The following MAPK10 variants were observed in gnomAD, a reference collection of about 807,000 sequenced individuals.
The protein encoded by MAPK10 is mitogen-activated protein kinase 10.
In MAPK10, 25 loss-of-function variants were observed where a neutral mutation model predicts 59.3. That is an observed-to-expected ratio of 0.42 (90% CI 0.31 to 0.59). MAPK10 has a LOEUF of 0.59. Among genes scored for constraint, MAPK10 ranks in the 20% least tolerant of loss-of-function variants. The pLI is 0.15. For synonymous variants in MAPK10, 190 were observed against 200.5 expected (o/e 0.95, Z 0.44); for missense variants, 351 against 568.9 (o/e 0.62, Z 3.90).
chr4:86,590,715 G>A (rs1442149417), intron 1 of MAPK10, among the ~76,000 whole-genome samples: 2 of 152,084 alleles, frequency 1.3e-5, no homozygotes, highest in Non-Finnish European at 2.9e-5. Context: ...GAGCATAGGA[G>A]GTTGAGGCTG....
chr4:86,289,847 A>G (rs1361768487), intron 2 of MAPK10, among the ~76,000 whole-genome samples: 1 of 152,100 alleles, frequency 6.6e-6, no homozygotes, highest in African/African-American at 2.4e-5. Context: ...GTTCTGTGGG[A>G]TGGAAGAGCA....
chr4:86,495,904 T>C (rs1273566242), intron 1 of MAPK10, among the ~76,000 whole-genome samples: 2 of 152,218 alleles, frequency 1.3e-5, no homozygotes, highest in Non-Finnish European at 2.9e-5. Context: ...TTTTTGCATA[T>C]ATTAATTTTT....
chr4:86,135,205 G>A (rs1479236349), intron 4 of MAPK10, among the ~76,000 whole-genome samples: 1 of 152,240 alleles, frequency 6.6e-6, no homozygotes, highest in Admixed American at 6.5e-5. Context: ...AGGCCTGCCT[G>A]CCTCTGGAGG....
rs2038985204 is a variant in MAPK10 at position 86,031,416 on chromosome 4, A to T, written c.1126T>A (p.Tyr376Asn). 2 of 1,612,400 alleles carry T rather than the reference A, an allele frequency of 1.2e-6. No homozygotes were observed. Among genetic ancestry groups the T allele is most frequent in the Non-Finnish European group, 1.7e-6 (2 of 1,178,890 alleles). The stretch of plus-strand genomic sequence containing the variant: ...TCTCTTTCATCCAACTGCTTGTCAT[A>T]TATCTGAGGTGGAGGCTGCCGAATA... ...AEVEAPPPQI[Y>N]DKQLDEREHT... Residue 376 changes from tyrosine to asparagine, a missense_variant, in exon 12 of 14, where the codon TAT becomes AAT. Physicochemically the swap from Tyr to Asn is moderately radical, Grantham distance 143 (BLOSUM62 -2). Around this residue, in one of 5 missense-constraint regions of MAPK10, gnomAD observed 155 missense variants for 204.2 expected, o/e 0.76. Coordinates refer to ENST00000641462, the MANE Select transcript of MAPK10 (RefSeq NM_138982.4).
intron 9 of MAPK10, among the ~76,000 whole-genome samples, chr4:86,076,900 A>G (rs2049609961): frequency 6.6e-6 from 1 of 152,178 alleles, no homozygotes; most frequent in Admixed American, 6.5e-5. Flanking sequence ...CACATAGAGT[A>G]AGGATTTACA....
chr4:86,255,921 C>T (rs2093688619), intron 2 of MAPK10, among the ~76,000 whole-genome samples: 1 of 151,896 alleles, frequency 6.6e-6, no homozygotes, highest in Non-Finnish European at 1.5e-5. Flanking sequence ...TCAAATTGTC[C>T]CTGGTGTGTG....
At chr4:86,151,313 T>C (rs1325820713) in intron 4 of MAPK10, among the ~76,000 whole-genome samples, 1 of 152,136 alleles carries the variant, frequency 6.6e-6, no homozygotes, top group Non-Finnish European at 1.5e-5. Context: ...AATTGGGAGC[T>C]TTCATGAAAG....
intron 13 of MAPK10, among the ~76,000 whole-genome samples, chr4:86,018,029 C>T (rs1744277013): frequency 6.6e-6 from 1 of 152,340 alleles, no homozygotes; most frequent in African/African-American, 2.4e-5. Context: ...CGGGCATTTG[C>T]ATTTTTTAAA....
intron 11 of MAPK10, among the ~76,000 whole-genome samples, chr4:86,058,832 C>T (rs2148975530): frequency 6.6e-6 from 1 of 152,260 alleles, no homozygotes; most frequent in Non-Finnish European, 1.5e-5. Flanking sequence ...CTCTGGAATG[C>T]CCAGATCAAG....
chr4:86,133,395 ATAAT>A (rs962650692), intron 4 of MAPK10, among the ~76,000 whole-genome samples: 55 of 152,304 alleles, frequency 3.6e-4, no homozygotes, highest in Non-Finnish European at 5.0e-4. Flanking sequence ...TTCTAAGTAA[ATAAT>A]TCACTTTCAT....
intron 3 of MAPK10, among the ~76,000 whole-genome samples, chr4:86,189,476 T>C (rs183321736): frequency 2.6e-5 from 4 of 152,230 alleles, no homozygotes; most frequent in Admixed American, 1.3e-4. Context: ...TCCCTTTTAA[T>C]TGTATTCCTA....
intron 2 of MAPK10, among the ~76,000 whole-genome samples, chr4:86,222,281 A>G (rs993013902): frequency 2.0e-5 from 3 of 152,218 alleles, no homozygotes; most frequent in African/African-American, 7.2e-5. Context: ...ATGATGCTAT[A>G]CAACACTCAA....
At chr4:86,276,743 T>G (rs573390309) in intron 2 of MAPK10, among the ~76,000 whole-genome samples, 1 of 152,288 alleles carries the variant, frequency 6.6e-6, no homozygotes, top group Middle Eastern at 3.4e-3. Context: ...ATAACAATGC[T>G]GAGTGTCTGG....
intron 1 of MAPK10, among the ~76,000 whole-genome samples, chr4:86,506,861 C>A (rs1755778244): frequency 6.6e-6 from 1 of 152,056 alleles, no homozygotes; most frequent in Admixed American, 6.6e-5. Flanking sequence ...GGGAAAGACA[C>A]ACAGATACAG....
intron 2 of MAPK10, 131 bp downstream of exon 2, chr4:86,354,399 T>A: frequency 2.4e-6 from 1 of 410,508 alleles, no homozygotes; most frequent in Non-Finnish European, 4.2e-6. Flanking sequence ...CTATTGATTT[T>A]CACTTCTGTA....
intron 8 of MAPK10, chr4:86,100,716 T>A (rs908723557): frequency 2.1e-5 from 4 of 186,418 alleles, no homozygotes; most frequent in Non-Finnish European, 3.4e-5. Context: ...TTCACACTCA[T>A]GCTCAGCTGA....
intron 1 of MAPK10, among the ~76,000 whole-genome samples, chr4:86,536,315 A>G (rs1485911223): frequency 1.3e-5 from 2 of 152,236 alleles, no homozygotes; most frequent in African/African-American, 4.8e-5. Context: ...AATTCAAAGA[A>G]GTGGAGCCAA....
At chr4:86,579,192 T>C (rs1013091235) in intron 1 of MAPK10, among the ~76,000 whole-genome samples, 1 of 152,142 alleles carries the variant, frequency 6.6e-6, no homozygotes, top group Admixed American at 6.6e-5. Context: ...GATCAGCAGA[T>C]TATCCCACTC....
Position 86,015,020 on chromosome 4 carries a change from A to AG in MAPK10, c.*2207_*2208insC, listed in dbSNP as rs1341324010. 6.6e-6 allele frequency: 1 copy of AG among 151,938 alleles called. No homozygotes were observed. The highest frequency in any genetic ancestry group is 6.6e-5 in the Admixed American group (1 of 15,258). The allele number at this position is 151,938 out of a possible 1,614,324, so 9.4% of individuals were successfully genotyped here. ...GAGGAGAAGTTTTTAAAAAAAAAAA[A>AG]AAAAAACAGGAATATGAAAGAGAGG... On this transcript the variant is annotated 3_prime_UTR_variant, in exon 14 of 14. Coordinates refer to ENST00000641462, the MANE Select transcript of MAPK10 (RefSeq NM_138982.4).
Sources: allele counts gnomAD v4.1 joint callset (sites outside exome capture counted in the v4.1 genomes callset), GRCh38; gene constraint gnomAD v4.1.1; regional missense constraint gnomAD v4.1.1; transcripts MANE v1.5; gene names NCBI Gene and HGNC (gene_info 2026-07-23, HGNC 2026-07-21).